CAT: variants seen among roughly 807,000 people sequenced by gnomAD.
CAT encodes catalase.
Under a neutral mutation model 59.0 loss-of-function variants are expected in CAT, and 43 were observed. That is an observed-to-expected ratio of 0.73 (90% confidence interval 0.57 to 0.94). CAT has a LOEUF of 0.94. Among genes scored for constraint, CAT ranks in the 40% least tolerant of loss-of-function variants. CAT has a pLI of 0.00. For synonymous variants in CAT, 218 were observed against 230.9 expected, an observed-to-expected ratio of 0.94 and a Z score of 0.51; for missense variants, 664 against 682.9, an observed-to-expected ratio of 0.97 and a Z score of 0.31.
At chr11:34,467,509 T>C (rs1363410946) in intron 10 of CAT, among the ~76,000 whole-genome samples, 2 of 152,230 alleles carry the variant, frequency 1.3e-5, no homozygotes, top group South Asian at 2.1e-4. Context: ...GTTGATACTT[T>C]GGATAATTGG....
intron 8 of CAT, among the ~76,000 whole-genome samples, chr11:34,459,932 G>A (rs947268671): frequency 6.6e-6 from 1 of 152,200 alleles, no homozygotes; most frequent in Non-Finnish European, 1.5e-5. Context: ...ATGACCTTAG[G>A]CTATTTGAAA....
intron 1 of CAT, among the ~76,000 whole-genome samples, chr11:34,441,025 C>T (rs1286202479): frequency 1.3e-5 from 2 of 152,112 alleles, no homozygotes; most frequent in Admixed American, 6.6e-5. Context: ...GAAATACAGC[C>T]ATCCCCTTTG....
intron 1 of CAT, among the ~76,000 whole-genome samples, chr11:34,446,540 G>T (rs1399335427): frequency 4.6e-5 from 7 of 152,008 alleles, no homozygotes; most frequent in Non-Finnish European, 1.0e-4. Flanking sequence ...GCTGCCTTTG[G>T]GTGTGGTATT....
intron 10 of CAT, among the ~76,000 whole-genome samples, chr11:34,465,459 A>G (rs971852703): frequency 3.9e-5 from 6 of 152,184 alleles, no homozygotes; most frequent in Non-Finnish European, 5.9e-5. Context: ...GACACCAAGT[A>G]TATTACAGTA....
intron 1 of CAT, among the ~76,000 whole-genome samples, chr11:34,447,965 C>T (rs1403764466): frequency 6.6e-6 from 1 of 152,192 alleles, no homozygotes; most frequent in East Asian, 1.9e-4. Context: ...CCTCTTCCTA[C>T]TTGGATGAAG....
chr11:34,463,920 T>C (rs1856682107), intron 9 of CAT, among the ~76,000 whole-genome samples, 185 bp from the exon 10 acceptor site: 1 of 152,242 alleles, frequency 6.6e-6, no homozygotes, highest in Non-Finnish European at 1.5e-5. Context: ...TCCCTAAGAA[T>C]CTTCATACTA....
intron 1 of CAT, among the ~76,000 whole-genome samples, chr11:34,440,555 T>C (rs1334374787): frequency 1.3e-5 from 2 of 151,818 alleles, no homozygotes; most frequent in Non-Finnish European, 2.9e-5. Context: ...CTTTTTCTTT[T>C]TCTTTTCTTT....
At chr11:34,446,230 C>A (rs1460719185) in intron 1 of CAT, among the ~76,000 whole-genome samples, 1 of 152,124 alleles carries the variant, frequency 6.6e-6, no homozygotes, top group East Asian at 1.9e-4. Context: ...AGCTTTCCTG[C>A]CCCACTGGCT....
chr11:34,446,222 C>A (rs1225089726), intron 1 of CAT, among the ~76,000 whole-genome samples: 1 of 152,108 alleles, frequency 6.6e-6, no homozygotes, highest in Middle Eastern at 3.2e-3. Flanking sequence ...ACTGTTGAAG[C>A]TTTCCTGCCC....
At position 34,452,070 on chromosome 11, in the gene CAT, AT is replaced by A. The variant is rs753726077; in HGVS notation, c.350-5del. On this transcript the variant is annotated splice_polypyrimidine_tract_variant and splice_region_variant and intron_variant, in intron 3 of 12. Coordinates refer to ENST00000241052, the MANE Select transcript of CAT (RefSeq NM_001752.4). ...TTATGCTTCCTGTTTCCATTTGAATATTGTAGCTGGAGAATCGGGTTCAGCT... is the reference window on the plus strand; with the variant it reads ...TTATGCTTCCTGTTTCCATTTGAATATGTAGCTGGAGAATCGGGTTCAGCT... 1.1e-4 allele frequency: 170 copies of A among 1,613,808 alleles called. 1 individual carries two copies. The highest frequency in any genetic ancestry group is 8.2e-4 in the Middle Eastern group (5 of 6,074).
In CAT at chr11:34,439,027, G is replaced by A. The variant is rs1202564859; in HGVS notation, c.14G>A (p.Arg5Gln). MADS[R>Q]DPASDQMQHW... ...AAACCGCACGCTATGGCTGACAGCC[G>A]GGATCCCGCCAGCGACCAGATGCAG... Residue 5 changes from arginine (R) to glutamine (Q), a missense_variant, in exon 1 of 13, where the codon CGG becomes CAG. Physicochemically the swap from Arg to Gln is conservative, Grantham distance 43. Transcript: ENST00000241052. The A allele has an allele frequency of 6.3e-7, 1 of 1,595,960 alleles. No homozygotes were observed. Among genetic ancestry groups the A allele is most frequent in the Admixed American group, 1.7e-5 (1 of 58,124 alleles).
chr11:34,466,993 C>T (rs1856727045), intron 10 of CAT, among the ~76,000 whole-genome samples: 1 of 152,082 alleles, frequency 6.6e-6, no homozygotes, highest in Non-Finnish European at 1.5e-5. Context: ...ATCAAGACTA[C>T]TTCATCTGAT....
intron 3 of CAT, among the ~76,000 whole-genome samples, chr11:34,451,554 G>T (rs1368153110): frequency 6.6e-6 from 1 of 152,180 alleles, no homozygotes; most frequent in African/African-American, 2.4e-5. Flanking sequence ...ACGTTACAGA[G>T]ATAGTATTAG....
chr11:34,463,552 A>G (rs1564965944), intron 9 of CAT, among the ~76,000 whole-genome samples: 2 of 152,166 alleles, frequency 1.3e-5, no homozygotes, highest in African/African-American at 4.8e-5. Context: ...TTCCAACCCC[A>G]TATCTACCAC....
At chr11:34,457,040 CTA>C in intron 8 of CAT, 7 of 565,846 alleles carry the variant, frequency 1.2e-5, no homozygotes, top group East Asian at 6.0e-5. Flanking sequence ...GGTAAGATCC[CTA>C]CATATGTGAA....
At chr11:34,445,152 G>C (rs1440891693) in intron 1 of CAT, among the ~76,000 whole-genome samples, 2 of 151,980 alleles carry the variant, frequency 1.3e-5, no homozygotes, top group Non-Finnish European at 2.9e-5. Context: ...GTGTATTAGG[G>C]ATCAGGTATA....
At chr11:34,464,800 A>G (rs1448765711) in intron 10 of CAT, among the ~76,000 whole-genome samples, 1 of 151,464 alleles carries the variant, frequency 6.6e-6, no homozygotes, top group Non-Finnish European at 1.5e-5. Flanking sequence ...CTCTTCCACA[A>G]CAATGGAAAA....
intron 1 of CAT, among the ~76,000 whole-genome samples, chr11:34,439,865 G>T (rs1856366618): frequency 1.3e-5 from 2 of 152,220 alleles, no homozygotes; most frequent in Admixed American, 1.3e-4. Context: ...GAGGTTATCT[G>T]TAGAATGTAG....
chr11:34,460,071 TATTTTGCCTC>T (rs1856631593), intron 8 of CAT, among the ~76,000 whole-genome samples: 1 of 152,240 alleles, frequency 6.6e-6, no homozygotes, highest in Non-Finnish European at 1.5e-5. Flanking sequence ...ATTTGGTTTT[TATTTTGCCTC>T]ATAGAATTAG....
Sources: allele counts gnomAD v4.1 joint callset (sites outside exome capture counted in the v4.1 genomes callset), GRCh38; gene constraint gnomAD v4.1.1; transcripts MANE v1.5; gene names NCBI Gene and HGNC (gene_info 2026-07-23, HGNC 2026-07-21).